PAFAH1B2: variants seen among roughly 807,000 people sequenced by gnomAD.
PAFAH1B2 encodes the protein platelet-activating factor acetylhydrolase IB subunit alpha2.
Under a neutral mutation model 28.0 loss-of-function variants are expected in PAFAH1B2, and 8 were observed. The ratio of observed to expected loss-of-function variants is 0.29; its 90% CI spans 0.17 to 0.52. PAFAH1B2 has a LOEUF of 0.52. Ranked by LOEUF, PAFAH1B2 falls within the 20% of genes least tolerant of loss-of-function variation. PAFAH1B2 has a pLI of 0.97. For missense variants in PAFAH1B2, 190 were observed against 282.6 expected (o/e 0.67, Z 2.35); for synonymous variants, 104 against 103.2 (o/e 1.01, Z -0.05).
chr11:117,154,183 T>C (rs1956215113), intron 2 of PAFAH1B2, among the ~76,000 whole-genome samples: 2 of 152,112 alleles, frequency 1.3e-5, no homozygotes, highest in Admixed American at 1.3e-4. Context: ...CTGGATCATT[T>C]ATACCTTTAT....
intron 3 of PAFAH1B2, among the ~76,000 whole-genome samples, chr11:117,160,717 A>G (rs544067628): frequency 3.9e-5 from 6 of 151,942 alleles, no homozygotes; most frequent in African/African-American, 9.7e-5. Flanking sequence ...TTGGCCTCAC[A>G]GAGTGCTGGG....
intron 2 of PAFAH1B2, among the ~76,000 whole-genome samples, chr11:117,155,093 C>G (rs544103541): frequency 6.6e-6 from 1 of 152,288 alleles, no homozygotes; most frequent in South Asian, 2.1e-4. Context: ...GCTGGGATTA[C>G]AGGCACCCAC....
chr11:117,153,428 C>A (rs750161582), intron 2 of PAFAH1B2, among the ~76,000 whole-genome samples: 3 of 152,008 alleles, frequency 2.0e-5, no homozygotes, highest in South Asian at 2.1e-4. Context: ...CTTGCCCAGG[C>A]TGGAGTGCAG....
At chr11:117,174,789 A>G (rs891517819), downstream of PAFAH1B2, 4 of 663,716 alleles carry the variant, frequency 6.0e-6, no homozygotes, top group Admixed American at 3.4e-5. Flanking sequence ...AATTTTCTGT[A>G]TTTTTAGTAG....
In PAFAH1B2 at chr11:117,154,776, A is replaced by G. The variant is rs114019709; in HGVS notation, c.81+2248A>G. Among the ~76,000 whole-genome samples, 982 of 152,104 alleles carry G rather than the reference A, an allele frequency of 6.5e-3. 8 individuals carry two copies. Among genetic ancestry groups the G allele is most frequent in the African/African-American group, 0.022 (917 of 41,476 alleles). ...TCTTTTAAGCATTGCATACTGAAAT[A>G]TTTATACTTGGAATGATATATCCTC... On this transcript the variant is annotated intron_variant, in intron 2 of 5. Coordinates refer to ENST00000527958, the MANE Select transcript of PAFAH1B2 (RefSeq NM_002572.4).
downstream of PAFAH1B2, among the ~76,000 whole-genome samples, chr11:117,174,164 T>TGTGTGTGTGTG (rs1555034628): frequency 7.2e-4 from 100 of 138,918 alleles, no homozygotes; most frequent in Middle Eastern, 0.011. Flanking sequence ...TTCATGTCTT[T>TGTGTGTGTGTG]TGTGTGTGTG....
downstream of PAFAH1B2, among the ~76,000 whole-genome samples, chr11:117,174,162 TTTTGTGTGTGTGTGTG>T (rs1490121948): frequency 1.4e-4 from 12 of 84,830 alleles, no homozygotes; most frequent in Non-Finnish European, 2.9e-4. Context: ...TCTTCATGTC[TTTTGTGTGTGTGTGTG>T]TGTGTGTGTG....
chr11:117,169,751 A>G lies in PAFAH1B2; in HGVS notation c.*2052A>G. Reference sequence around the variant, plus strand: ...GTTTTTCACAAGAGATTTTTTTCTTAGCTGAGGTATAGTTGTATAGCAAGA... The same window carrying G: ...GTTTTTCACAAGAGATTTTTTTCTTGGCTGAGGTATAGTTGTATAGCAAGA... On this transcript the variant is annotated 3_prime_UTR_variant, in exon 6 of 6. Coordinates refer to ENST00000527958, the MANE Select transcript of PAFAH1B2 (RefSeq NM_002572.4). 1.9e-6 allele frequency: 2 copies of G among 1,057,770 alleles called. No homozygotes were observed. The highest frequency in any genetic ancestry group is 3.3e-5 in the African/African-American group (2 of 60,736). 65.5% of individuals were successfully genotyped at this position (1,057,770 alleles called of 1,614,324 possible). A position where few individuals can be genotyped will look rare whatever the true frequency, so the allele number is the denominator to read the frequency against.
chr11:117,175,778 T>A (rs1314923414), downstream of PAFAH1B2: 5 of 1,095,970 alleles, frequency 4.6e-6, no homozygotes, highest in Non-Finnish European at 5.1e-6. Context: ...CCCAAAGTTA[T>A]GAGGCCAACT....
Position 117,168,465 on chromosome 11 carries a change from T to TTTTTTTTTTTTTTTC in PAFAH1B2, c.*772_*773insTTTTTTTTCTTTTTT. The TTTTTTTTTTTTTTTC allele has an allele frequency of 1.0e-6, 1 of 990,764 alleles. No homozygotes were observed. The highest frequency in any genetic ancestry group is 1.8e-5 in the African/African-American group (1 of 55,136). The allele number at this position is 990,764 out of a possible 1,614,324, so 61.4% of individuals were successfully genotyped here. A position where few individuals can be genotyped will look rare whatever the true frequency, so the allele number is the denominator to read the frequency against. ...CACCCCGTTTTTTTTTTTTTTTTTT[T>TTTTTTTTTTTTTTTC]TTTTTTGGTTCTTGTTGACATTACA... On this transcript the variant is annotated 3_prime_UTR_variant, in exon 6 of 6. Transcript: ENST00000527958.
downstream of PAFAH1B2, chr11:117,175,889 GTTTC>G: frequency 6.5e-7 from 1 of 1,535,288 alleles, no homozygotes. Context: ...TATCACGAGT[GTTTC>G]TTAATGTTTC....
chr11:117,171,864 G>A, downstream of PAFAH1B2: 1 of 808,848 alleles, frequency 1.2e-6, no homozygotes, highest in South Asian at 1.9e-5. Context: ...ATGATTTGCT[G>A]CTTTAGGAGG....
chr11:117,177,262 T>G (rs1343326388), downstream of PAFAH1B2, among the ~76,000 whole-genome samples: 1 of 152,126 alleles, frequency 6.6e-6, no homozygotes, highest in Non-Finnish European at 1.5e-5. Flanking sequence ...TTGTAGAACA[T>G]TTGTAAATCT....
downstream of PAFAH1B2, chr11:117,176,003 C>A: frequency 8.1e-7 from 1 of 1,241,570 alleles, no homozygotes; most frequent in Non-Finnish European, 1.1e-6. Flanking sequence ...CAGCTGACTG[C>A]ATGGAGGGCT....
chr11:117,170,091 C>A lies in PAFAH1B2; in HGVS notation c.*2392C>A, dbSNP rs552189292. 78 of 1,055,532 alleles carry A rather than the reference C, an allele frequency of 7.4e-5. No individual in the cohort carries two copies. In the East Asian group the frequency reaches 1.0e-3, roughly 14 times the overall value. 65.4% of individuals were successfully genotyped at this position (1,055,532 alleles called of 1,614,324 possible). A position where few individuals can be genotyped will look rare whatever the true frequency, so the allele number is the denominator to read the frequency against. ...GATGTGCAGATATTGAGTTCACTTT[C>A]ATTTTTTGCCAGATTTCTTTGCACT... is the stretch of plus-strand genomic sequence containing the variant. On this transcript the variant is annotated 3_prime_UTR_variant, in exon 6 of 6. Coordinates refer to ENST00000527958, the MANE Select transcript of PAFAH1B2 (RefSeq NM_002572.4).
downstream of PAFAH1B2, among the ~76,000 whole-genome samples, chr11:117,172,856 A>G (rs1268708574): frequency 6.6e-6 from 1 of 152,150 alleles, no homozygotes; most frequent in Non-Finnish European, 1.5e-5. Flanking sequence ...GGCGTGTACC[A>G]CCACGCCTGG....
chr11:117,178,097 T>C (rs2030084800), downstream of PAFAH1B2, among the ~76,000 whole-genome samples: 1 of 152,260 alleles, frequency 6.6e-6, no homozygotes. Flanking sequence ...TAAAGCTCTC[T>C]AAGTTTCTTG....
At chr11:117,144,998 C>T (rs1047545471) in intron 1 of PAFAH1B2, among the ~76,000 whole-genome samples, 1 of 152,200 alleles carries the variant, frequency 6.6e-6, no homozygotes, top group African/African-American at 2.4e-5. Context: ...TTAGAAACTT[C>T]TCCGTTGCCT....
At chr11:117,163,993 G>A in intron 5 of PAFAH1B2, 101 bp downstream of exon 5, 4 of 1,254,112 alleles carry the variant, frequency 3.2e-6, no homozygotes, top group Non-Finnish European at 4.6e-6. Flanking sequence ...ACCTTGAGGT[G>A]GAAGCAGTTT....
Sources: allele counts gnomAD v4.1 joint callset (sites outside exome capture counted in the v4.1 genomes callset), GRCh38; gene constraint gnomAD v4.1.1; transcripts MANE v1.5; gene names NCBI Gene and HGNC (gene_info 2026-07-23, HGNC 2026-07-21).